TNFRSF10B: variants seen among roughly 807,000 people sequenced by gnomAD.
TNFRSF10B encodes tumor necrosis factor receptor superfamily member 10B.
A neutral mutation model predicts 41.4 loss-of-function variants in TNFRSF10B; 35 were observed. The observed-to-expected ratio is 0.85, with a 90% CI of 0.65 to 1.12. The LOEUF is 1.12. Among genes scored for constraint, TNFRSF10B ranks in the 50% most tolerant of loss-of-function variants. The probability of loss-of-function intolerance (pLI) is 0.00; values close to 1 mark genes in which losing one functional copy is unlikely to be tolerated. For missense variants in TNFRSF10B, 584 were observed against 552.7 expected (o/e 1.06, Z -0.57); for synonymous variants, 230 against 215.5 (o/e 1.07, Z -0.59).
At chr8:23,055,814 G>A (rs979643767) in intron 1 of TNFRSF10B, among the ~76,000 whole-genome samples, 2 of 152,124 alleles carry the variant, frequency 1.3e-5, no homozygotes. Flanking sequence ...AATTTACTGA[G>A]GCTCCACAGG....
chr8:23,041,618 A>C (rs1169008395), intron 2 of TNFRSF10B, among the ~76,000 whole-genome samples: 7 of 152,052 alleles, frequency 4.6e-5, no homozygotes, highest in Admixed American at 3.3e-4. Flanking sequence ...AAAAAAAAAA[A>C]AAAAACCTAA....
Position 23,068,985 on chromosome 8 carries a change from G to A in TNFRSF10B, c.-91C>T, listed in dbSNP as rs11135695. 599,719 of 1,599,514 alleles carry A rather than the reference G, an allele frequency of 0.37. 116,737 individuals are homozygous for A. The highest frequency in any genetic ancestry group is 0.43 in the Middle Eastern group (2,531 of 5,922). The stretch of plus-strand genomic sequence containing the variant: ...ATCGTCGGTGTATTTTGTGGGCGCA[G>A]AGATTGCGGGGTTCTCCGGCCGCGT... On this transcript the variant is annotated 5_prime_UTR_variant, in exon 1 of 9. Transcript: ENST00000276431.
chr8:23,054,699 T>A, intron 1 of TNFRSF10B, among the ~76,000 whole-genome samples: 1 of 152,172 alleles, frequency 6.6e-6, no homozygotes, highest in East Asian at 1.9e-4. Context: ...AGAATGTCAC[T>A]TTCTGACAGG....
chr8:23,037,850 G>A (rs1812067460), intron 2 of TNFRSF10B, among the ~76,000 whole-genome samples: 1 of 152,182 alleles, frequency 6.6e-6, no homozygotes, highest in South Asian at 2.1e-4. Flanking sequence ...ATGTGTCCAG[G>A]AATCTAGGGG....
intron 1 of TNFRSF10B, among the ~76,000 whole-genome samples, chr8:23,060,071 C>T (rs772256920): frequency 1.3e-5 from 2 of 152,034 alleles, no homozygotes; most frequent in Non-Finnish European, 2.9e-5. Flanking sequence ...AAAATATTTT[C>T]TCTCATTCTG....
intron 2 of TNFRSF10B, among the ~76,000 whole-genome samples, chr8:23,034,387 G>C (rs1377981526): frequency 6.6e-6 from 1 of 152,180 alleles, no homozygotes; most frequent in Non-Finnish European, 1.5e-5. Context: ...GAAAAGACCA[G>C]GTGGAAGCCA....
chr8:23,037,320 A>C (rs555994121), intron 2 of TNFRSF10B, among the ~76,000 whole-genome samples: 1 of 152,282 alleles, frequency 6.6e-6, no homozygotes, highest in South Asian at 2.1e-4. Flanking sequence ...CTGAGTGCCC[A>C]ATCTATAGGC....
chr8:23,043,365 T>A, intron 1 of TNFRSF10B, 122 bp from the exon 2 acceptor site: 1 of 726,540 alleles, frequency 1.4e-6, no homozygotes, highest in Non-Finnish European at 2.4e-6. Context: ...TTCTTGCAGC[T>A]CTCACCTCTC....
chr8:23,068,946 A>C lies in TNFRSF10B; in HGVS notation c.-52T>G, dbSNP rs1364495128. ...CTCAGGCCCGTGGGTTTCAGCCCTT[A>C]AAGTAGATCGGGCATCGTCGGTGTA... On this transcript the variant is annotated 5_prime_UTR_variant, in exon 1 of 9. It removes the in-frame stop codon of an upstream open reading frame in the 5' UTR. Coordinates refer to ENST00000276431, the MANE Select transcript of TNFRSF10B (RefSeq NM_003842.5). The C allele has an allele frequency of 4.3e-6, 7 of 1,612,606 alleles. No individual in the cohort carries two copies. The highest frequency in any genetic ancestry group is 5.1e-6 in the Non-Finnish European group (6 of 1,179,836).
At position 23,028,424 on chromosome 8, in the gene TNFRSF10B, T is replaced by A. The variant is rs1282049665; in HGVS notation, c.655A>T (p.Thr219Ser). 3.7e-6 allele frequency: 6 copies of A among 1,614,172 alleles called. No individual in the cohort carries two copies. In the South Asian group the frequency reaches 6.6e-5, roughly 18 times the overall value. Reference protein sequence around the residue: ...CSLSGIIIGVTVAAVVLIVAV... With the variant: ...CSLSGIIIGVSVAAVVLIVAV... ...ACAATCAAGACTACGGCTGCAACTG[T>A]GACTCCTATGATGATGCCTGAGAGA... The change falls in exon 5 of 9, where the codon ACA (threonine) becomes TCA (serine). Residue 219 changes from threonine to serine, a missense_variant. By Grantham distance (58) the Thr-to-Ser change is moderately conservative. Coordinates refer to ENST00000276431, the MANE Select transcript of TNFRSF10B (RefSeq NM_003842.5).
chr8:23,026,038 T>G (rs957205660), intron 7 of TNFRSF10B, among the ~76,000 whole-genome samples: 2 of 152,086 alleles, frequency 1.3e-5, no homozygotes, highest in Non-Finnish European at 2.9e-5. Context: ...ATGGTGCCAC[T>G]GCACTCCAGC....
intron 5 of TNFRSF10B, 75 bp downstream of exon 5, chr8:23,028,256 T>G (rs2128811748): frequency 6.2e-7 from 1 of 1,605,310 alleles, no homozygotes; most frequent in Admixed American, 1.7e-5. Context: ...GGGCAGGCGT[T>G]TCTGTCTGTG....
intron 7 of TNFRSF10B, 56 bp from the exon 8 acceptor site, chr8:23,024,316 A>C (rs1811636474): frequency 3.7e-6 from 6 of 1,600,698 alleles, no homozygotes; most frequent in Non-Finnish European, 5.1e-6. Flanking sequence ...ACAGTCCAGT[A>C]CTGACCCCGA....
intron 2 of TNFRSF10B, among the ~76,000 whole-genome samples, chr8:23,032,566 C>G (rs1811913845): frequency 6.6e-6 from 1 of 152,042 alleles, no homozygotes; most frequent in African/African-American, 2.4e-5. Context: ...AAAATAACAC[C>G]ACTGAGATTT....
intron 1 of TNFRSF10B, among the ~76,000 whole-genome samples, chr8:23,046,798 T>A (rs1321237716): frequency 1.3e-5 from 2 of 151,874 alleles, no homozygotes; most frequent in African/African-American, 4.8e-5. Context: ...TATAAATGAA[T>A]CCACATAGCT....
At chr8:23,028,249 C>G in intron 5 of TNFRSF10B, 82 bp downstream of exon 5, 1 of 1,594,312 alleles carries the variant, frequency 6.3e-7, no homozygotes, top group Non-Finnish European at 8.6e-7. Context: ...GGGGCAGGGG[C>G]AGGCGTTTCT....
At chr8:23,062,943 A>T (rs1413917836) in intron 1 of TNFRSF10B, among the ~76,000 whole-genome samples, 1 of 152,240 alleles carries the variant, frequency 6.6e-6, no homozygotes, top group East Asian at 1.9e-4. Flanking sequence ...CAAACCCTAC[A>T]AAGTGTTATA....
At chr8:23,068,709 A>T in intron 1 of TNFRSF10B, 42 bp downstream of exon 1, 1 of 1,547,370 alleles carries the variant, frequency 6.5e-7, no homozygotes, top group Non-Finnish European at 8.7e-7. Context: ...TCCAGGCGCC[A>T]GGCACGCTCT....
At chr8:23,043,912 G>C (rs1199916699) in intron 1 of TNFRSF10B, among the ~76,000 whole-genome samples, 1 of 152,194 alleles carries the variant, frequency 6.6e-6, no homozygotes, top group African/African-American at 2.4e-5. Flanking sequence ...ATATGGTATA[G>C]CCTTTTGCTC....
Sources: allele counts gnomAD v4.1 joint callset (sites outside exome capture counted in the v4.1 genomes callset), GRCh38; gene constraint gnomAD v4.1.1; transcripts MANE v1.5; gene names NCBI Gene and HGNC (gene_info 2026-07-23, HGNC 2026-07-21).